The following ZNF276 variants were observed in gnomAD, a reference collection of about 807,000 sequenced individuals.
The protein encoded by ZNF276 is centromere protein Z.
ZNF276 carries 59 observed loss-of-function variants against 63.9 expected under a neutral mutation model. The observed-to-expected ratio is 0.92, with a 90% CI of 0.75 to 1.15. The LOEUF is 1.15. Ranked by LOEUF, ZNF276 falls within the 50% of genes most tolerant of loss-of-function variation. The probability of loss-of-function intolerance (pLI) is 0.00; values close to 1 mark genes in which losing one functional copy is unlikely to be tolerated. For synonymous variants in ZNF276, 496 were observed against 348.4 expected, an observed-to-expected ratio of 1.42 and a Z score of -4.72; for missense variants, 1,084 against 843.8, an observed-to-expected ratio of 1.28 and a Z score of -3.53.
intron 2 of ZNF276, 94 bp from the exon 3 acceptor site, chr16:89,723,043 C>A: frequency 6.2e-7 from 1 of 1,608,704 alleles, no homozygotes; most frequent in Non-Finnish European, 8.5e-7. Context: ...CTATGGGGAC[C>A]GCTGAGGTTT....
upstream of ZNF276, chr16:89,720,756 G>C (rs1224742453): frequency 2.1e-6 from 3 of 1,443,766 alleles, no homozygotes; most frequent in Admixed American, 7.5e-5. Flanking sequence ...CCCCCGCCCC[G>C]CCTCACCCGG....
Position 89,722,618 on chromosome 16 carries a change from C to A in ZNF276, c.293C>A (p.Ala98Glu). The change falls in exon 2 of 11, where the codon GCG (alanine) becomes GAG (glutamate). Residue 98 changes from alanine (A) to glutamate (E), a missense_variant. Ala to Glu is a moderately radical substitution (Grantham distance 107). Coordinates refer to ENST00000443381, the MANE Select transcript of ZNF276 (RefSeq NM_001113525.2). ...AGCCTGCGCAGCATCTCCGAGAGGG[C>A]GCCTGGAGCGAGCATGGAGAGGCCA... ...SRSLRSISER[A>E]PGASMERPSA... The A allele has an allele frequency of 6.2e-7, 1 of 1,611,976 alleles. No individual in the cohort carries two copies. The highest frequency in any genetic ancestry group is 8.5e-7 in the Non-Finnish European group (1 of 1,180,032).
rs2062091177 is a variant in ZNF276, at chr16:89,740,110, CAGG to C, written c.*1867_*1869del. ...CAGGTCTGTGGTGCTCTGTAAACCG[CAGG>C]AGACCAACCCTGAGAATGGCCGACC... On this transcript the variant is annotated 3_prime_UTR_variant, in exon 11 of 11. Coordinates refer to ENST00000443381, the MANE Select transcript of ZNF276 (RefSeq NM_001113525.2). The C allele has an allele frequency of 1.3e-5, 21 of 1,612,872 alleles. No individual in the cohort carries two copies. Among genetic ancestry groups the C allele is most frequent in the Non-Finnish European group, 1.6e-5 (19 of 1,179,038 alleles).
rs1321762542 is a variant in ZNF276 at position 89,739,419 on chromosome 16, C to T, written c.*1173C>T. The T allele has an allele frequency of 5.1e-6, 8 of 1,555,908 alleles. No individual in the cohort carries two copies. In the African/African-American group the frequency reaches 5.4e-5, roughly 11 times the overall value. ...TCCCATCTGGCGGGACCCAGAGGTG[C>T]TGAGATGGGGGTCTGGGAAACACTG... On this transcript the variant is annotated 3_prime_UTR_variant, in exon 11 of 11. Coordinates refer to ENST00000443381, the MANE Select transcript of ZNF276 (RefSeq NM_001113525.2).
chr16:89,732,710 G>A (rs111843959), intron 6 of ZNF276: 3,598 of 194,516 alleles, frequency 0.018, 169 homozygotes, highest in African/African-American at 0.086. Context: ...TGTACCCTGC[G>A]CCCTCGTCCT....
Position 89,721,801 on chromosome 16 carries a change from T to C in ZNF276, c.161T>C (p.Val54Ala). 8.0e-7 allele frequency: 1 copy of C among 1,253,624 alleles called. No homozygotes were observed. Among genetic ancestry groups the C allele is most frequent in the Non-Finnish European group, 1.0e-6 (1 of 999,938 alleles). 77.7% of individuals were successfully genotyped at this position (1,253,624 alleles called of 1,614,324 possible). A position where few individuals can be genotyped will look rare whatever the true frequency, so the allele number is the denominator to read the frequency against. Reference sequence around the variant, plus strand: ...ACGGCGCGGCGCGCCTGGGGCCCGGTGGGGTCCTGCGGGGACGCGGGCGAG... The same window carrying C: ...ACGGCGCGGCGCGCCTGGGGCCCGGCGGGGTCCTGCGGGGACGCGGGCGAG... ...GATARRAWGP[V>A]GSCGDAGEDG... Residue 54 changes from valine (V) to alanine (A), a missense_variant, in exon 1 of 11, where the codon GTG becomes GCG. Transcript: ENST00000443381.
chr16:89,726,584 G>A (rs1283407526), intron 4 of ZNF276, among the ~76,000 whole-genome samples: 1 of 152,160 alleles, frequency 6.6e-6, no homozygotes, highest in Non-Finnish European at 1.5e-5. Flanking sequence ...ACCCGCGTCA[G>A]CCTCCCAAAG....
chr16:89,723,082 G>A (rs1468948019), intron 2 of ZNF276, 55 bp from the exon 3 acceptor site: 5 of 1,612,434 alleles, frequency 3.1e-6, no homozygotes, highest in Admixed American at 1.7e-5. Flanking sequence ...CGTACGACGA[G>A]CGCTGTGAAC....
upstream of ZNF276, chr16:89,721,239 C>T (rs1317311038): frequency 1.8e-5 from 4 of 224,376 alleles, no homozygotes; most frequent in East Asian, 2.8e-4. Flanking sequence ...GCGTGGCCTC[C>T]GCCGGCGCCT....
At chr16:89,736,393 C>G (rs1279411187) in intron 9 of ZNF276, among the ~76,000 whole-genome samples, 2 of 150,712 alleles carry the variant, frequency 1.3e-5, no homozygotes, top group Non-Finnish European at 3.0e-5. Flanking sequence ...TGTGCAATCT[C>G]AGCTCACTGC....
Position 89,723,638 on chromosome 16 carries a change from C to T in ZNF276, c.935C>T (p.Ser312Leu), listed in dbSNP as rs1332056470. 9 of 1,612,546 alleles carry T rather than the reference C, an allele frequency of 5.6e-6. No individual in the cohort carries two copies. Among genetic ancestry groups the T allele is most frequent in the Middle Eastern group, 3.3e-4 (2 of 6,084 alleles). ...LPSTDVAQPP[S>L]DSDAVGPRSG... ...AGCACGGATGTGGCCCAGCCTCCTT[C>T]GGACAGCGACGCGGTGGGGCCCAGG... The change falls in exon 4 of 11, where the codon TCG becomes TTG. Residue 312 changes from serine to leucine, a missense_variant. Transcript: ENST00000443381.
intron 9 of ZNF276, 34 bp downstream of exon 9, chr16:89,734,072 A>G (rs747358241): frequency 6.3e-7 from 1 of 1,599,710 alleles, no homozygotes; most frequent in South Asian, 1.1e-5. Flanking sequence ...CACGCGGGTG[A>G]CAGCCAGGGG....
At chr16:89,720,403 T>C (rs1259561791), upstream of ZNF276, 1 of 1,008,350 alleles carries the variant, frequency 9.9e-7, no homozygotes, top group Non-Finnish European at 1.2e-6. Flanking sequence ...CCGGATTAAA[T>C]CTACCATCTC....
In ZNF276 at chr16:89,733,321, G is replaced by A. The variant is rs750330394; in HGVS notation, c.1189G>A (p.Glu397Lys). The change falls in exon 7 of 11, where the codon GAA becomes AAA. Residue 397 changes from glutamate to lysine, a missense_variant. Glu to Lys is a moderately conservative substitution (Grantham distance 56, BLOSUM62 1). Transcript: ENST00000443381. Reference sequence around the variant, plus strand: ...TTTCAGAGTCTCTGGTAAGAAGAGTGAAAGCAAAGAAGCCAAGAAGTCTGA... The same window carrying A: ...TTTCAGAGTCTCTGGTAAGAAGAGTAAAAGCAAAGAAGCCAAGAAGTCTGA... ...PERKVSGKKS[E>K]SKEAKKSEEP... The A allele has an allele frequency of 6.2e-7, 1 of 1,614,128 alleles. No homozygotes were observed. Among genetic ancestry groups the A allele is most frequent in the African/African-American group, 1.3e-5 (1 of 75,054 alleles).
At chr16:89,724,314 G>T (rs529143300) in intron 4 of ZNF276, among the ~76,000 whole-genome samples, 1 of 152,226 alleles carries the variant, frequency 6.6e-6, no homozygotes, top group Non-Finnish European at 1.5e-5. Flanking sequence ...TGTGTGCTCT[G>T]TGCACCTGTC....
Position 89,729,266 on chromosome 16 carries a change from A to C in ZNF276, c.1117A>C (p.Lys373Gln), listed in dbSNP as rs750006832. The C allele has an allele frequency of 6.8e-6, 11 of 1,614,164 alleles. No individual in the cohort carries two copies. The highest frequency in any genetic ancestry group is 9.3e-6 in the Non-Finnish European group (11 of 1,180,024). Residue 373 changes from lysine to glutamine, a missense_variant, in exon 6 of 11, where the codon AAG becomes CAG. By Grantham distance (53) the Lys-to-Gln change is moderately conservative (BLOSUM62 1). Coordinates refer to ENST00000443381, the MANE Select transcript of ZNF276 (RefSeq NM_001113525.2). ...CTTGAGTGAAGATGAAAATGACAAG[A>C]AGCAAAATGCCCAGTCTTCGGACGA... is the stretch of plus-strand genomic sequence containing the variant. The part of the protein sequence containing the change: ...DVLSEDENDK[K>Q]QNAQSSDESF...
intron 8 of ZNF276, 70 bp from the exon 9 acceptor site, chr16:89,733,851 A>C (rs34745216): frequency 0.014 from 20,356 of 1,439,166 alleles, 496 homozygotes; most frequent in South Asian, 0.085. Context: ...CTCAGCTGTC[A>C]CCTACTGAGG....
In ZNF276 at chr16:89,738,717, G is replaced by A. The variant is rs368506826; in HGVS notation, c.*471G>A. 10 of 1,613,784 alleles carry A rather than the reference G, an allele frequency of 6.2e-6. No homozygotes were observed. The highest frequency in any genetic ancestry group is 1.7e-5 in the Admixed American group (1 of 59,990). ...CCACGATCAGCCAGCAGCTGTGAGAGAGGAGCAGGTCCTCAGCCCATGCCG... is the reference window on the plus strand; with the variant it reads ...CCACGATCAGCCAGCAGCTGTGAGAAAGGAGCAGGTCCTCAGCCCATGCCG... On this transcript the variant is annotated 3_prime_UTR_variant, in exon 11 of 11. Transcript: ENST00000443381.
intron 6 of ZNF276, among the ~76,000 whole-genome samples, chr16:89,730,544 C>T (rs558320416): frequency 1.3e-5 from 2 of 152,172 alleles, no homozygotes; most frequent in Non-Finnish European, 2.9e-5. Context: ...ACAGCACACT[C>T]AGACTGTGTC....
Sources: gnomAD v4.1 joint callset for allele counts (sites outside exome capture counted in the v4.1 genomes callset) on GRCh38, gnomAD v4.1.1 for gene constraint, MANE v1.5 for transcripts, NCBI Gene and HGNC (gene_info 2026-07-23, HGNC 2026-07-21) for gene names.